RPRD1A: variants seen among roughly 807,000 people sequenced by gnomAD.
The protein encoded by RPRD1A is regulation of nuclear pre-mRNA domain containing 1A, also known as regulation of nuclear pre-mRNA domain-containing protein 1A.
RPRD1A carries 9 observed loss-of-function variants against 37.8 expected under a neutral mutation model. The observed-to-expected ratio is 0.24, with a 90% CI of 0.14 to 0.42. The LOEUF (loss-of-function observed/expected upper bound fraction) is 0.42. RPRD1A is among the 10% of genes least tolerant of loss of function. The probability of loss-of-function intolerance (pLI) is 1.00; values close to 1 mark genes in which losing one functional copy is unlikely to be tolerated. For synonymous variants in RPRD1A, 138 were observed against 139.7 expected (o/e 0.99, Z 0.08); for missense variants, 255 against 371.0 (o/e 0.69, Z 2.57).
At chr18:36,009,155 C>A (rs1910009945) in intron 6 of RPRD1A, among the ~76,000 whole-genome samples, 1 of 152,100 alleles carries the variant, frequency 6.6e-6, no homozygotes, top group South Asian at 2.1e-4. Context: ...GTTCAACCAC[C>A]TTTACTTAAA....
Position 36,033,855 on chromosome 18 carries a change from G to T in RPRD1A, c.152-18C>A. ...TGGTTTGGCTGAAAAATAAGAAAAAGTTAAAAATCTACTTAAAACATCTTT... is the reference window on the plus strand; with the variant it reads ...TGGTTTGGCTGAAAAATAAGAAAAATTTAAAAATCTACTTAAAACATCTTT... On this transcript the variant is annotated intron_variant, in intron 1 of 6. Transcript: ENST00000399022. The T allele has an allele frequency of 6.3e-7, 1 of 1,587,278 alleles. No homozygotes were observed. The highest frequency in any genetic ancestry group is 8.6e-7 in the Non-Finnish European group (1 of 1,168,674).
At chr18:36,025,898 C>T (rs1911335257) in intron 6 of RPRD1A, 1 of 299,846 alleles carries the variant, frequency 3.3e-6, no homozygotes, top group African/African-American at 2.2e-5. Flanking sequence ...AAGTGGGCAA[C>T]CTCTTCAAAG....
At chr18:36,033,881 A>G in intron 1 of RPRD1A, 44 bp from the exon 2 acceptor site, 1 of 1,518,292 alleles carries the variant, frequency 6.6e-7, no homozygotes, top group East Asian at 2.3e-5. Context: ...AAACATCTTT[A>G]CTTGGACAAA....
At chr18:36,018,181 TTCAA>T (rs1175993593) in intron 6 of RPRD1A, among the ~76,000 whole-genome samples, 4 of 148,294 alleles carry the variant, frequency 2.7e-5, no homozygotes, top group African/African-American at 7.5e-5. Flanking sequence ...TCAAGTGTCT[TTCAA>T]TCATTTTTAT....
intron 1 of RPRD1A, among the ~76,000 whole-genome samples, chr18:36,040,505 G>C (rs1912502286): frequency 1.3e-5 from 2 of 152,166 alleles, no homozygotes; most frequent in Non-Finnish European, 2.9e-5. Flanking sequence ...AAGCTAACAA[G>C]TGTTTCAGCT....
In RPRD1A at chr18:36,033,765, G is replaced by A; in HGVS notation, c.224C>T (p.Pro75Leu). 2 of 1,613,296 alleles carry A rather than the reference G, an allele frequency of 1.2e-6. No individual in the cohort carries two copies. The highest frequency in any genetic ancestry group is 1.3e-5 in the African/African-American group (1 of 74,974). ...TGGTGCAAAATCTTTTGTAAACTCT[G>A]GCCCCTTCCTCTTGCTGTTCTGTAT... ...DVIQNSKRKG[P>L]EFTKDFAPVI... The change falls in exon 2 of 7, where the codon CCA becomes CTA. Residue 75 changes from proline (P) to leucine (L), a missense_variant. Transcript: ENST00000399022.
intron 1 of RPRD1A, among the ~76,000 whole-genome samples, chr18:36,044,306 G>A (rs1044559638): frequency 6.6e-6 from 1 of 152,052 alleles, no homozygotes; most frequent in African/African-American, 2.4e-5. Flanking sequence ...TTGTTCAAAG[G>A]GAAACTGTAA....
At chr18:36,017,846 T>G (rs892037461) in intron 6 of RPRD1A, among the ~76,000 whole-genome samples, 1 of 152,242 alleles carries the variant, frequency 6.6e-6, no homozygotes, top group African/African-American at 2.4e-5. Context: ...GTTTCATCTG[T>G]AGCTCCCGCT....
rs192538044 is a variant in RPRD1A, at chr18:36,049,172, C to A, written c.152-15335G>T. Among the ~76,000 whole-genome samples the A allele has an allele frequency of 6.6e-5, 10 of 152,312 alleles. No homozygotes were observed. In the East Asian group the frequency reaches 1.7e-3, roughly 26 times the overall value. On this transcript the variant is annotated intron_variant, in intron 1 of 6. Transcript: ENST00000399022. Reference sequence around the variant, plus strand: ...CCACCTCCCTCGGCCTCCCAAAGTGCTGGGATTACAGGCATGAGCCACCAT... The same window carrying A: ...CCACCTCCCTCGGCCTCCCAAAGTGATGGGATTACAGGCATGAGCCACCAT...
intron 1 of RPRD1A, among the ~76,000 whole-genome samples, chr18:36,045,197 A>C (rs1912869140): frequency 6.6e-6 from 1 of 152,112 alleles, no homozygotes; most frequent in South Asian, 2.1e-4. Flanking sequence ...CCAAGATCGC[A>C]CCACTGCACT....
intron 1 of RPRD1A, among the ~76,000 whole-genome samples, chr18:36,045,777 A>C (rs973319227): frequency 4.6e-5 from 7 of 152,194 alleles, no homozygotes; most frequent in African/African-American, 1.4e-4. Context: ...AATCAATAAA[A>C]CATTCCTTGG....
At chr18:35,999,433 A>G (rs1360865268) in intron 6 of RPRD1A, among the ~76,000 whole-genome samples, 2 of 152,232 alleles carry the variant, frequency 1.3e-5, no homozygotes, top group Admixed American at 6.5e-5. Flanking sequence ...TTCTGAGATG[A>G]TATCAGAATC....
At chr18:36,033,974 AT>A in intron 1 of RPRD1A, 137 bp from the exon 2 acceptor site, 1 of 633,402 alleles carries the variant, frequency 1.6e-6, no homozygotes, top group Non-Finnish European at 2.5e-6. Flanking sequence ...CTAGTCTCTC[AT>A]TTTACTACCA....
At chr18:36,054,626 T>A (rs547035347) in intron 1 of RPRD1A, among the ~76,000 whole-genome samples, 16 of 152,158 alleles carry the variant, frequency 1.1e-4, no homozygotes, top group African/African-American at 3.9e-4. Context: ...TATTGACTGA[T>A]AATAAGGAAT....
Position 36,043,306 on chromosome 18 carries a change from C to T in RPRD1A, c.152-9469G>A, listed in dbSNP as rs190304804. 2.8e-4 allele frequency among the ~76,000 whole-genome samples: 43 copies of T among 151,752 alleles called. No individual in the cohort carries two copies. In the East Asian group the frequency reaches 7.2e-3, roughly 25 times the overall value. On this transcript the variant is annotated intron_variant, in intron 1 of 6. Transcript: ENST00000399022. ...TGAGCCTACATGCTGAAAAAGGCTT[C>T]AGCATAGTGCTGGCCTGGTACTCCA...
At chr18:36,038,383 C>T (rs138792355) in intron 1 of RPRD1A, among the ~76,000 whole-genome samples, 1 of 152,366 alleles carries the variant, frequency 6.6e-6, no homozygotes, top group African/African-American at 2.4e-5. Context: ...TCAGAGGGTG[C>T]AAGCCCCAAG....
chr18:36,012,659 C>T (rs1228732558), intron 6 of RPRD1A, among the ~76,000 whole-genome samples: 2 of 152,164 alleles, frequency 1.3e-5, no homozygotes, highest in African/African-American at 2.4e-5. Context: ...TGTATCCCAT[C>T]GTTAAGTGAC....
intron 6 of RPRD1A, among the ~76,000 whole-genome samples, chr18:36,023,908 G>C (rs1327566665): frequency 6.6e-6 from 1 of 152,168 alleles, no homozygotes; most frequent in Non-Finnish European, 1.5e-5. Flanking sequence ...GTAATACTTA[G>C]ACAACAGTAA....
chr18:36,067,077 ATATC>A (rs1285208326), intron 1 of RPRD1A, among the ~76,000 whole-genome samples, 173 bp downstream of exon 1: 4 of 152,364 alleles, frequency 2.6e-5, no homozygotes, highest in African/African-American at 9.6e-5. Flanking sequence ...TATTCAATAA[ATATC>A]TAAGCCCAGA....
Sources: allele counts gnomAD v4.1 joint callset (sites outside exome capture counted in the v4.1 genomes callset), GRCh38; gene constraint gnomAD v4.1.1; transcripts MANE v1.5; gene names NCBI Gene and HGNC (gene_info 2026-07-23, HGNC 2026-07-21).